Variants in SYNE1 observed in about 807,000 individuals in gnomAD.
SYNE1 encodes the protein spectrin repeat containing nuclear envelope protein 1.
Under a neutral mutation model 1,111.0 loss-of-function variants are expected in SYNE1, and 616 were observed. That is an observed-to-expected ratio of 0.55 (90% CI 0.52 to 0.59). The LOEUF (loss-of-function observed/expected upper bound fraction) is 0.59. SYNE1 is among the 20% of genes least tolerant of loss of function. The pLI, the probability that SYNE1 is intolerant of heterozygous loss-of-function variation, is 0.00. For missense variants in SYNE1, 10,006 were observed against 10,417.0 expected (o/e 0.96, Z 1.72); for synonymous variants, 3,855 against 3,825.8 (o/e 1.01, Z -0.28).
rs1463315489 is a variant in SYNE1, at chr6:152,323,418, G to T, written c.15917+60C>A. ...CACACATTTGCACTCCAGCCTGGGCGACAGAGCGAGACTCCAAACAAACAA... is the reference window on the plus strand; with the variant it reads ...CACACATTTGCACTCCAGCCTGGGCTACAGAGCGAGACTCCAAACAAACAA... On this transcript the variant is annotated intron_variant, in intron 82 of 145. Transcript: ENST00000367255. The T allele has an allele frequency of 8.1e-6, 13 of 1,597,130 alleles. No homozygotes were observed. In the African/African-American group the frequency reaches 1.6e-4, roughly 20 times the overall value.
In SYNE1 at chr6:152,321,247, G is replaced by T; in HGVS notation, c.16227C>A (p.Ile5409=). 6.2e-7 allele frequency: 1 copy of T among 1,613,674 alleles called. No individual in the cohort carries two copies. ...QLAEVALDLK[I]RDQIQDKIKE... is the part of the protein sequence containing the mutation. The stretch of plus-strand genomic sequence containing the variant: ...TTGATCATAGGTTTACCTGATCTCG[G>T]ATCTTTAGATCTAACGCCACTTCAG... Residue 5409 remains isoleucine (I), a synonymous_variant, in exon 84 of 146, where the codon ATC becomes ATA. Transcript: ENST00000367255.
chr6:152,570,223 T>G (rs1357584818), intron 3 of SYNE1, among the ~76,000 whole-genome samples: 1 of 152,152 alleles, frequency 6.6e-6, no homozygotes, highest in Non-Finnish European at 1.5e-5. Context: ...AGCACCAAGC[T>G]ATATAAAAGT....
chr6:152,531,060 ATCACAGTGCCTGT>A (rs2099197614), intron 4 of SYNE1, among the ~76,000 whole-genome samples: 5 of 152,072 alleles, frequency 3.3e-5, no homozygotes, highest in Admixed American at 3.3e-4. Flanking sequence ...CTGCCTCGGT[ATCACAGTGCCTGT>A]GTTCAAGTCA....
intron 3 of SYNE1, among the ~76,000 whole-genome samples, chr6:152,595,882 T>C (rs1385027938): frequency 1.3e-5 from 2 of 151,988 alleles, no homozygotes; most frequent in African/African-American, 4.8e-5. Context: ...TCTATGCTAT[T>C]ATGTTTCAAA....
chr6:152,321,217 C>A (rs1443621984), intron 84 of SYNE1, 21 bp downstream of exon 84: 1 of 1,612,904 alleles, frequency 6.2e-7, no homozygotes, highest in South Asian at 1.1e-5. Context: ...GAAAGACACT[C>A]TTTCTTGATC....
At chr6:152,254,036 C>T (rs980363672) in intron 104 of SYNE1, among the ~76,000 whole-genome samples, 2 of 150,704 alleles carry the variant, frequency 1.3e-5, no homozygotes, top group Non-Finnish European at 3.0e-5. Flanking sequence ...TGCATTTGTT[C>T]CGGTATATAT....
Position 152,369,431 on chromosome 6 carries a change from G to A in SYNE1, c.9651+40C>T, listed in dbSNP as rs762384874. 1.7e-5 allele frequency: 28 copies of A among 1,613,852 alleles called. No individual in the cohort carries two copies. In the South Asian group the frequency reaches 2.4e-4, roughly 14 times the overall value. On this transcript the variant is annotated intron_variant, in intron 60 of 145. Transcript: ENST00000367255. The stretch of plus-strand genomic sequence containing the variant: ...GTAAGGTCGACAGAGGACGGACAAA[G>A]ACTAGGTCAGATGGGGCTACGGGGA...
intron 78 of SYNE1, among the ~76,000 whole-genome samples, chr6:152,327,456 G>A (rs2096104664): frequency 6.6e-6 from 1 of 152,178 alleles, no homozygotes; most frequent in Non-Finnish European, 1.5e-5. Flanking sequence ...AAAAGTTTAA[G>A]TCTGGATGGC....
chr6:152,313,995 C>T (rs1421956152), intron 87 of SYNE1, among the ~76,000 whole-genome samples: 1 of 152,174 alleles, frequency 6.6e-6, no homozygotes, highest in Non-Finnish European at 1.5e-5. Context: ...CTCTTTCACC[C>T]AATTCAGTCT....
rs768692140 is a variant in SYNE1, at chr6:152,369,526, C to A, written c.9596G>T (p.Ser3199Ile). The change falls in exon 60 of 146, where the codon AGC becomes ATC. Residue 3199 changes from serine to isoleucine, a missense_variant. Transcript: ENST00000367255. Reference protein sequence around the residue: ...LSKTEKMVHESSNRLYDLPAK... With the variant: ...LSKTEKMVHEISNRLYDLPAK... ...TGGCAGATCATAGAGGCGATTGCTGCTTTCATGGACCATCTTCTCAGTTTT... is the reference window on the plus strand; with the variant it reads ...TGGCAGATCATAGAGGCGATTGCTGATTTCATGGACCATCTTCTCAGTTTT... 1.2e-6 allele frequency: 2 copies of A among 1,614,210 alleles called. No individual in the cohort carries two copies. Among genetic ancestry groups the A allele is most frequent in the South Asian group, 1.1e-5 (1 of 91,086 alleles).
intron 44 of SYNE1, 34 bp from the exon 45 acceptor site, chr6:152,407,230 T>A: frequency 6.2e-7 from 1 of 1,606,880 alleles, no homozygotes; most frequent in East Asian, 2.2e-5. Context: ...GCATTCATAG[T>A]CAGAGGCGTA....
chr6:152,311,456 T>C lies in SYNE1; in HGVS notation c.16711-583A>G, dbSNP rs1326981304. 2.0e-5 allele frequency among the ~76,000 whole-genome samples: 3 copies of C among 152,130 alleles called. No individual in the cohort carries two copies. The East Asian group carries it at 5.8e-4, about 29-fold the overall frequency. On this transcript the variant is annotated intron_variant, in intron 87 of 145. Coordinates refer to ENST00000367255, the MANE Select transcript of SYNE1 (RefSeq NM_182961.4). ...ATTCAGAGTGGTATCATCTACTGGG[T>C]CTATCAGAAATACAATGGATAAGTA...
intron 91 of SYNE1, among the ~76,000 whole-genome samples, chr6:152,308,015 T>C (rs568382311): frequency 4.7e-4 from 71 of 152,240 alleles, no homozygotes; most frequent in Admixed American, 1.4e-3. Flanking sequence ...GTATTTTTAG[T>C]AGAGACGGGG....
chr6:152,399,449 G>C (rs1165351892), intron 48 of SYNE1, among the ~76,000 whole-genome samples, 167 bp downstream of exon 48: 2 of 152,186 alleles, frequency 1.3e-5, no homozygotes, highest in Admixed American at 6.5e-5. Context: ...CATAGGGTGA[G>C]AGCCTCCAGC....
rs746685203 is a variant in SYNE1, at chr6:152,430,131, TTGTA to T, written c.4765_4768del (p.Tyr1589LysfsTer16). 6.3e-7 allele frequency: 1 copy of T among 1,599,050 alleles called. No individual in the cohort carries two copies. The highest frequency in any genetic ancestry group is 1.1e-5 in the South Asian group (1 of 89,648). On this transcript the variant is annotated frameshift_variant, in exon 36 of 146. Transcript: ENST00000367255. LOFTEE classifies it high-confidence loss of function. Reference sequence around the variant, plus strand: ...TCTTACCATATGTTCTTGAAGAACTTTGTATGTTTCTGTAGCTGAAGAACATATT... The same window carrying T: ...TCTTACCATATGTTCTTGAAGAACTTTGTTTCTGTAGCTGAAGAACATATT...
rs981844728 is a variant in SYNE1 at position 152,230,396 on chromosome 6, A to G, written c.21195+151T>C. The G allele has an allele frequency of 4.6e-5, 37 of 799,374 alleles. No individual in the cohort carries two copies. The East Asian group carries it at 7.9e-4, about 17-fold the overall frequency. 49.5% of individuals were successfully genotyped at this position (799,374 alleles called of 1,614,324 possible). A position where few individuals can be genotyped will look rare whatever the true frequency, so the allele number is the denominator to read the frequency against. The stretch of plus-strand genomic sequence containing the variant: ...CCTAATGTATTTTAAAAAAAACCCT[A>G]TAAACTCACAAAATCAGCAAAATTT... On this transcript the variant is annotated intron_variant, in intron 115 of 145. Transcript: ENST00000367255.
intron 58 of SYNE1, among the ~76,000 whole-genome samples, chr6:152,375,343 A>C (rs937104442): frequency 6.6e-5 from 10 of 152,226 alleles, no homozygotes; most frequent in African/African-American, 2.4e-4. Context: ...TATGAACAAT[A>C]CTGTTTCAGA....
chr6:152,190,962 T>A (rs1403058359), intron 127 of SYNE1, among the ~76,000 whole-genome samples: 1 of 152,222 alleles, frequency 6.6e-6, no homozygotes, highest in South Asian at 2.1e-4. Context: ...CTATGCTCAG[T>A]TTTTTGAGGG....
chr6:152,179,060 T>C (rs2153166031), intron 129 of SYNE1, among the ~76,000 whole-genome samples: 1 of 152,066 alleles, frequency 6.6e-6, no homozygotes, highest in African/African-American at 2.4e-5. Flanking sequence ...ACTACAGGCA[T>C]GTGCCACCAT....
Sources: allele counts gnomAD v4.1 joint callset (sites outside exome capture counted in the v4.1 genomes callset), GRCh38; gene constraint gnomAD v4.1.1; transcripts MANE v1.5; gene names NCBI Gene and HGNC (gene_info 2026-07-23, HGNC 2026-07-21).